Variants in NAXD observed in about 807,000 individuals in gnomAD.
NAXD encodes ATP-dependent (S)-NAD(P)H-hydrate dehydratase.
In NAXD, 22 loss-of-function variants were observed where a neutral mutation model predicts 35.8. That is an observed-to-expected ratio of 0.62 (90% CI 0.44 to 0.88). NAXD has a LOEUF of 0.88. NAXD is among the 40% of genes least tolerant of loss of function. The pLI is 0.00. For missense variants in NAXD, 428 were observed against 437.7 expected, an observed-to-expected ratio of 0.98 and a Z score of 0.20; for synonymous variants, 189 against 177.6, an observed-to-expected ratio of 1.06 and a Z score of -0.51.
At chr13:110,632,262 G>C (rs1886724132) in intron 5 of NAXD, among the ~76,000 whole-genome samples, 1 of 152,050 alleles carries the variant, frequency 6.6e-6, no homozygotes, top group Non-Finnish European at 1.5e-5. Context: ...GTGGGCTCGT[G>C]GTCTCGCTGG....
At position 110,638,901 on chromosome 13, in the gene NAXD, C is replaced by G; in HGVS notation, c.*373C>G. 2.8e-6 allele frequency: 1 copy of G among 353,692 alleles called. No individual in the cohort carries two copies. The allele number at this position is 353,692 out of a possible 1,614,324, so 21.9% of individuals were successfully genotyped here. Reference sequence around the variant, plus strand: ...TTCTACTTGTTACTCTCTCTGCCGGCGCCCTTCGTTCCTCCTCTGCTTCCC... The same window carrying G: ...TTCTACTTGTTACTCTCTCTGCCGGGGCCCTTCGTTCCTCCTCTGCTTCCC... On this transcript the variant is annotated 3_prime_UTR_variant, in exon 10 of 10. Coordinates refer to ENST00000680254, the MANE Select transcript of NAXD (RefSeq NM_001242882.2). The surrounding 1 kb of genome is among the most constrained non-coding windows in gnomAD (Gnocchi z 5.4).
chr13:110,622,733 C>T (rs928267139), intron 2 of NAXD, among the ~76,000 whole-genome samples: 2 of 152,210 alleles, frequency 1.3e-5, no homozygotes, highest in African/African-American at 4.8e-5. Flanking sequence ...AAAGATGTTA[C>T]TGAAAGTCAT....
upstream of NAXD, chr13:110,615,499 T>C (rs903389984): frequency 2.6e-6 from 3 of 1,160,162 alleles, no homozygotes; most frequent in Non-Finnish European, 2.3e-6. Flanking sequence ...GGGATCCCAC[T>C]GCCGACAGCC....
rs774747105 is a variant in NAXD, at chr13:110,638,457, G to A, written c.919G>A (p.Gly307Ser). ...QCNHQAFQKH[G>S]RSTTTSDMIA... is the part of the protein sequence containing the mutation. ...CAACCACCAAGCCTTCCAGAAGCACGGTCGCTCCACCACCACCTCCGACAT... is the reference window on the plus strand; with the variant it reads ...CAACCACCAAGCCTTCCAGAAGCACAGTCGCTCCACCACCACCTCCGACAT... The change falls in exon 10 of 10, where the codon GGT becomes AGT. Residue 307 changes from glycine (G) to serine (S), a missense_variant. Physicochemically the swap from Gly to Ser is moderately conservative, Grantham distance 56. Coordinates refer to ENST00000680254, the MANE Select transcript of NAXD (RefSeq NM_001242882.2). This position sits in a 1 kb window ranked among gnomAD's most constrained non-coding sequence, Gnocchi z 5.4. The A allele has an allele frequency of 9.3e-6, 15 of 1,613,290 alleles. No homozygotes were observed. The highest frequency in any genetic ancestry group is 4.0e-5 in the African/African-American group (3 of 74,902).
Position 110,639,122 on chromosome 13 carries a change from C to A in NAXD, c.*594C>A. On this transcript the variant is annotated 3_prime_UTR_variant, in exon 10 of 10. Coordinates refer to ENST00000680254, the MANE Select transcript of NAXD (RefSeq NM_001242882.2). ...CATACTCCAGGGTAATCAATGATGA[C>A]TTTGTTTGGAAACCCTTTTGGAGGC... 5.1e-6 allele frequency: 1 copy of A among 194,178 alleles called. No individual in the cohort carries two copies. 12.0% of individuals were successfully genotyped at this position (194,178 alleles called of 1,614,324 possible).
At chr13:110,633,147 G>T (rs1369079085) in intron 5 of NAXD, among the ~76,000 whole-genome samples, 1 of 152,200 alleles carries the variant, frequency 6.6e-6, no homozygotes, top group Non-Finnish European at 1.5e-5. Context: ...CTCAGGCATG[G>T]CGGGCTGCAG....
chr13:110,617,805 G>A (rs1337631148), intron 1 of NAXD, among the ~76,000 whole-genome samples: 1 of 152,194 alleles, frequency 6.6e-6, no homozygotes, highest in Admixed American at 6.5e-5. Flanking sequence ...TTCTCTCTGG[G>A]CCCCAGTTTC....
In NAXD at chr13:110,635,460, TGTC is replaced by T; in HGVS notation, c.598-7_598-5del. On this transcript the variant is annotated splice_region_variant and splice_polypyrimidine_tract_variant and intron_variant, in intron 7 of 9. Coordinates refer to ENST00000680254, the MANE Select transcript of NAXD (RefSeq NM_001242882.2). The stretch of plus-strand genomic sequence containing the variant: ...TTGCTTTTTCTCTGTCTTCCTGTGT[TGTC>T]ATAGCTCAGAGGCCCTATGGACAGC... 6.2e-7 allele frequency: 1 copy of T among 1,612,496 alleles called. No homozygotes were observed. Among genetic ancestry groups the T allele is most frequent in the Middle Eastern group, 1.7e-4 (1 of 6,056 alleles).
chr13:110,625,364 G>C, intron 4 of NAXD, 86 bp downstream of exon 4: 1 of 842,872 alleles, frequency 1.2e-6, no homozygotes, highest in Non-Finnish European at 1.9e-6. Context: ...AAAGCGTCCT[G>C]ATGGATTTTC....
chr13:110,620,602 TGGGTTGATG>T (rs1246743754), intron 1 of NAXD, among the ~76,000 whole-genome samples: 1 of 151,096 alleles, frequency 6.6e-6, no homozygotes, highest in African/African-American at 2.4e-5. Context: ...AAAAAGAATT[TGGGTTGATG>T]GGGATTCATA....
chr13:110,634,269 A>G (rs957248914), intron 5 of NAXD, among the ~76,000 whole-genome samples: 23 of 152,284 alleles, frequency 1.5e-4, no homozygotes, highest in African/African-American at 5.5e-4. Flanking sequence ...GGTAATTGAT[A>G]ATGAACAGGC....
At chr13:110,631,914 GGCGAGCAGCTAATGCTTTGT>G (rs1349425312) in intron 5 of NAXD, among the ~76,000 whole-genome samples, 1 of 152,204 alleles carries the variant, frequency 6.6e-6, no homozygotes, top group Non-Finnish European at 1.5e-5. Context: ...CACTTTGTTA[GGCGAGCAGCTAATGCTTTGT>G]CAGCTTTCAA....
At chr13:110,630,135 T>C (rs939732886) in intron 5 of NAXD, among the ~76,000 whole-genome samples, 1 of 152,202 alleles carries the variant, frequency 6.6e-6, no homozygotes, top group Non-Finnish European at 1.5e-5. Context: ...GTTTAAGTGA[T>C]TCCTTTGCCT....
At chr13:110,617,742 A>T (rs1886113322) in intron 1 of NAXD, among the ~76,000 whole-genome samples, 1 of 152,260 alleles carries the variant, frequency 6.6e-6, no homozygotes, top group African/African-American at 2.4e-5. Flanking sequence ...CTTTGGTAAA[A>T]TAGTGTCTTG....
chr13:110,631,749 T>C (rs934958241), intron 5 of NAXD, among the ~76,000 whole-genome samples: 2 of 152,176 alleles, frequency 1.3e-5, no homozygotes, highest in African/African-American at 4.8e-5. Context: ...GAATTTTTAT[T>C]GTTAATAAAG....
chr13:110,630,523 GCA>G (rs1345812159), intron 5 of NAXD, among the ~76,000 whole-genome samples: 4 of 152,280 alleles, frequency 2.6e-5, no homozygotes, highest in African/African-American at 9.6e-5. Flanking sequence ...TTTGTTTACA[GCA>G]CAGTTTTTAA....
chr13:110,616,048 G>C (rs1294139407), intron 1 of NAXD: 5 of 373,672 alleles, frequency 1.3e-5, no homozygotes, highest in Non-Finnish European at 1.9e-5. Context: ...GGGGGGCCGA[G>C]GGCCGAGGAC....
At chr13:110,627,569 T>C (rs1250691751) in intron 5 of NAXD, 22 bp downstream of exon 5, 12 of 1,517,500 alleles carry the variant, frequency 7.9e-6, no homozygotes, top group Non-Finnish European at 1.1e-5. Flanking sequence ...ACTCACTCAC[T>C]TCCCTCATGA....
chr13:110,624,996 A>G (rs972666848), intron 3 of NAXD, among the ~76,000 whole-genome samples, 194 bp from the exon 4 acceptor site: 2 of 152,198 alleles, frequency 1.3e-5, no homozygotes, highest in East Asian at 1.9e-4. Context: ...AGTGGCGGCA[A>G]AAGTCTTTCT....
Sources: allele counts gnomAD v4.1 joint callset (sites outside exome capture counted in the v4.1 genomes callset), GRCh38; gene constraint gnomAD v4.1.1; non-coding constraint Gnocchi (gnomAD v3.1); transcripts MANE v1.5; gene names NCBI Gene and HGNC (gene_info 2026-07-23, HGNC 2026-07-21).